The following MSN variants were observed in gnomAD, a reference collection of about 807,000 sequenced individuals.
The protein encoded by MSN is moesin, also known as epididymis luminal protein 70.
In MSN, 2 loss-of-function variants were observed where a neutral mutation model predicts 48.0. The observed-to-expected ratio is 0.04, with a 90% CI of 0.02 to 0.13. The LOEUF (loss-of-function observed/expected upper bound fraction) is 0.13. MSN is among the 10% of genes least tolerant of loss of function. MSN has a pLI of 1.00. For synonymous variants in MSN, 146 were observed against 166.9 expected, an observed-to-expected ratio of 0.87 and a Z score of 0.97; for missense variants, 267 against 470.1, an observed-to-expected ratio of 0.57 and a Z score of 3.99.
At chrX:65,609,394 CT>C (rs890612179) in intron 1 of MSN, among the ~76,000 whole-genome samples, 4 of 110,898 alleles carry the variant, frequency 3.6e-5, no homozygotes, top group African/African-American at 1.3e-4. Flanking sequence ...CAAAATTGAC[CT>C]CTTAAAGAGC....
At chrX:65,654,067 C>G (rs1200564484) in intron 1 of MSN, among the ~76,000 whole-genome samples, 1 of 106,269 alleles carries the variant, frequency 9.4e-6, no homozygotes, top group Non-Finnish European at 1.9e-5. Context: ...TGAGCCACTG[C>G]ACCTGGCTCT....
chrX:65,645,063 A>T (rs1184326447), intron 1 of MSN, among the ~76,000 whole-genome samples: 1 of 112,098 alleles, frequency 8.9e-6, no homozygotes, highest in Non-Finnish European at 1.9e-5. Context: ...CCAAGCCCTG[A>T]GTCATCCCTG....
intron 1 of MSN, among the ~76,000 whole-genome samples, chrX:65,616,925 GA>G (rs1421843335): frequency 9.0e-6 from 1 of 110,883 alleles, no homozygotes; most frequent in Non-Finnish European, 1.9e-5. Context: ...AAGAGTTGTT[GA>G]ATTTTGTCAA....
chrX:65,647,229 T>TG (rs1407326190), intron 1 of MSN, among the ~76,000 whole-genome samples: 2 of 106,532 alleles, frequency 1.9e-5, no homozygotes, highest in African/African-American at 3.5e-5. Flanking sequence ...TTTTTTTTTT[T>TG]GAGATGGAGT....
At chrX:65,737,445 A>G in intron 10 of MSN, 107 bp downstream of exon 10, 3 of 910,635 alleles carry the variant, frequency 3.3e-6, no homozygotes, top group Non-Finnish European at 4.5e-6. Flanking sequence ...AGAGCAGGCT[A>G]CCACTCCATG....
chrX:65,648,134 G>GT (rs1345621065), intron 1 of MSN, among the ~76,000 whole-genome samples: 5 of 107,750 alleles, frequency 4.6e-5, no homozygotes, highest in Admixed American at 2.0e-4. Context: ...GCTGGAGGGG[G>GT]TGGGGGGGGC....
chrX:65,680,669 C>T (rs1221836957), intron 1 of MSN, among the ~76,000 whole-genome samples: 1 of 111,620 alleles, frequency 9.0e-6, no homozygotes, highest in Non-Finnish European at 1.9e-5. Flanking sequence ...CTTTGTGGGC[C>T]CAAGGTTTCC....
chrX:65,616,957 G>T (rs2070379121), intron 1 of MSN, among the ~76,000 whole-genome samples: 1 of 110,395 alleles, frequency 9.1e-6, no homozygotes, highest in Non-Finnish European at 1.9e-5. Context: ...CGCATCTATT[G>T]AGATAATCAT....
chrX:65,737,422 A>G (rs1398616181), intron 10 of MSN, 84 bp downstream of exon 10: 6 of 1,062,021 alleles, frequency 5.6e-6, no homozygotes, highest in Middle Eastern at 3.4e-4. Context: ...TTTTGCTTAC[A>G]TGCTGGCTTT....
intron 1 of MSN, among the ~76,000 whole-genome samples, chrX:65,674,997 T>C (rs1316422876): frequency 1.8e-5 from 2 of 112,283 alleles, no homozygotes; most frequent in Non-Finnish European, 3.8e-5. Context: ...CATGAGGTAA[T>C]TTATGTAAAG....
rs1306638263 is a variant in MSN at position 65,741,280 on chromosome X, TA to T, written c.*1388del. The T allele has an allele frequency of 6.0e-6, 1 of 166,382 alleles. No individual in the cohort carries two copies. Among genetic ancestry groups the T allele is most frequent in the Non-Finnish European group, 1.2e-5 (1 of 86,729 alleles). 13.7% of individuals were successfully genotyped at this position (166,382 alleles called of 1,213,427 possible). ...GTCTCATGTGTGCTCTTCTTCTTTC[TA>T]CAGTATTATGTACTCTACTGATATC... is the stretch of plus-strand genomic sequence containing the variant. On this transcript the variant is annotated 3_prime_UTR_variant, in exon 13 of 13. Coordinates refer to ENST00000360270, the MANE Select transcript of MSN (RefSeq NM_002444.3).
intron 1 of MSN, among the ~76,000 whole-genome samples, chrX:65,597,985 G>T (rs2070200691): frequency 9.0e-6 from 1 of 111,688 alleles, no homozygotes; most frequent in Admixed American, 9.6e-5. Flanking sequence ...TCATCCTGCT[G>T]TCTTCCTCCT....
At chrX:65,621,708 C>A (rs1245744587) in intron 1 of MSN, among the ~76,000 whole-genome samples, 2 of 111,777 alleles carry the variant, frequency 1.8e-5, no homozygotes, top group African/African-American at 6.5e-5. Flanking sequence ...AATCTGTAGA[C>A]CATTTGAGAT....
intron 1 of MSN, among the ~76,000 whole-genome samples, chrX:65,611,526 T>C (rs747982733): frequency 1.7e-4 from 19 of 111,870 alleles, no homozygotes; most frequent in Non-Finnish European, 3.4e-4. Flanking sequence ...ATCCATGTTG[T>C]AGCTTGTGTC....
At chrX:65,665,066 T>C (rs2070856870), upstream of MSN, among the ~76,000 whole-genome samples, 1 of 110,992 alleles carries the variant, frequency 9.0e-6, no homozygotes, top group Admixed American at 9.6e-5. Context: ...TCCCTTTTAG[T>C]AGTGTCTTCA....
chrX:65,639,105 G>C (rs2148368899), intron 1 of MSN, among the ~76,000 whole-genome samples: 1 of 112,325 alleles, frequency 8.9e-6, no homozygotes, highest in East Asian at 2.8e-4. Context: ...TCATTTTTCA[G>C]AAGAATCAAT....
intron 1 of MSN, among the ~76,000 whole-genome samples, chrX:65,695,081 CGTGTGTGTGTGT>C (rs752844911): frequency 2.0e-5 from 2 of 99,899 alleles, no homozygotes; most frequent in East Asian, 6.2e-4. Flanking sequence ...TGTGTGTCTG[CGTGTGTGTGTGT>C]GTGTGTGTGT....
chrX:65,729,339 G>A, intron 3 of MSN, 99 bp from the exon 4 acceptor site: 1 of 976,275 alleles, frequency 1.0e-6, no homozygotes, highest in Non-Finnish European at 1.4e-6. Flanking sequence ...CTAAGATTAT[G>A]CAAATTGATG....
rs189851632 is a variant in MSN, at chrX:65,634,957, C to T, written c.-22+46345C>T. ...CACTCCCAGGGCTCAGCCCAACCCT[C>T]CAGCCCAGGCTGTTGGCCTGATGCA... On this transcript the variant is annotated intron_variant, in intron 1 of 3. Transcript: ENST00000609672. Among the ~76,000 whole-genome samples, 92 of 112,132 alleles carry T rather than the reference C, an allele frequency of 8.2e-4. 1 individual carries two copies. The East Asian group carries it at 0.018, about 22-fold the overall frequency.
Sources: allele counts gnomAD v4.1 joint callset (sites outside exome capture counted in the v4.1 genomes callset), GRCh38; gene constraint gnomAD v4.1.1; transcripts MANE v1.5; gene names NCBI Gene and HGNC (gene_info 2026-07-23, HGNC 2026-07-21).